LOC400499: variants seen among roughly 807,000 people sequenced by gnomAD.
the LOC400499 span, among the ~76,000 whole-genome samples, chr16:11,484,466 A>T: frequency 1.3e-5 from 2 of 152,094 alleles, no homozygotes; most frequent in African/African-American, 4.8e-5. Flanking sequence ...TGTCAATTAG[A>T]CCTCAATAAA....
chr16:11,376,418 C>T, the LOC400499 span, among the ~76,000 whole-genome samples: 1 of 151,270 alleles, frequency 6.6e-6, no homozygotes, highest in Non-Finnish European at 1.5e-5. Flanking sequence ...ATGTGGATAT[C>T]TAGTTTTCCC....
chr16:11,443,992 G>C, the LOC400499 span, among the ~76,000 whole-genome samples: 3 of 152,076 alleles, frequency 2.0e-5, no homozygotes, highest in African/African-American at 2.4e-5. Context: ...CTGCCACTAT[G>C]CCCAGCCAAT....
chr16:11,491,380 C>T, the LOC400499 span, among the ~76,000 whole-genome samples: 5 of 152,100 alleles, frequency 3.3e-5, no homozygotes, highest in South Asian at 2.1e-4. Flanking sequence ...GATACTGTGT[C>T]GTGATCTGGC....
At chr16:11,525,942 G>T in the LOC400499 span, among the ~76,000 whole-genome samples, 1 of 152,194 alleles carries the variant, frequency 6.6e-6, no homozygotes, top group African/African-American at 2.4e-5. Context: ...CTTCCAGGAA[G>T]AGATCTGAAA....
the LOC400499 span, among the ~76,000 whole-genome samples, chr16:11,507,966 C>T: frequency 6.6e-6 from 1 of 152,028 alleles, no homozygotes; most frequent in African/African-American, 2.4e-5. Flanking sequence ...AATGGAAGCC[C>T]CCAAAAAGAT....
chr16:11,479,672 A>ATCT, the LOC400499 span, among the ~76,000 whole-genome samples: 1 of 152,192 alleles, frequency 6.6e-6, no homozygotes, highest in Non-Finnish European at 1.5e-5. Flanking sequence ...AAGACAGTAC[A>ATCT]GAGAGTTCCC....
chr16:11,438,928 C>G, the LOC400499 span, among the ~76,000 whole-genome samples: 17 of 152,198 alleles, frequency 1.1e-4, no homozygotes, highest in Non-Finnish European at 2.1e-4. Flanking sequence ...GACCCCACCT[C>G]TAATTTTTTT....
At chr16:11,486,247 T>C in the LOC400499 span, among the ~76,000 whole-genome samples, 1 of 117,382 alleles carries the variant, frequency 8.5e-6, no homozygotes, top group Non-Finnish European at 1.7e-5. Context: ...GGTAAATGGA[T>C]TGAGTGAATA....
the LOC400499 span, chr16:11,401,411 G>A: frequency 2.5e-6 from 1 of 399,504 alleles, no homozygotes; most frequent in African/African-American, 2.1e-5. Context: ...CAGCACCTAG[G>A]GAGGGAGACA....
the LOC400499 span, among the ~76,000 whole-genome samples, chr16:11,456,104 G>A: frequency 6.6e-6 from 1 of 151,484 alleles, no homozygotes; most frequent in South Asian, 2.1e-4. Flanking sequence ...GAGTGCAGTG[G>A]TGTGATCTCT....
At chr16:11,470,744 G>C in the LOC400499 span, 1 of 152,538 alleles carries the variant, frequency 6.6e-6, no homozygotes, top group East Asian at 1.9e-4. Context: ...AGCCGCCGGT[G>C]AGTGTGCTGG....
the LOC400499 span, among the ~76,000 whole-genome samples, chr16:11,482,709 A>T: frequency 6.6e-6 from 1 of 151,670 alleles, no homozygotes; most frequent in Non-Finnish European, 1.5e-5. Context: ...TGGGCAACAC[A>T]GTGAGACCCC....
chr16:11,398,499 G>A, the LOC400499 span: 2 of 1,232,212 alleles, frequency 1.6e-6, no homozygotes, highest in Non-Finnish European at 2.0e-6. Context: ...TGGCTGAGAT[G>A]GCCAATGCCT....
At chr16:11,377,230 C>A in the LOC400499 span, among the ~76,000 whole-genome samples, 2 of 152,204 alleles carry the variant, frequency 1.3e-5, no homozygotes, top group Non-Finnish European at 2.9e-5. Context: ...ATTATTAGTT[C>A]TAACAGTTGT....
the LOC400499 span, among the ~76,000 whole-genome samples, chr16:11,383,408 A>G: frequency 6.6e-6 from 1 of 152,164 alleles, no homozygotes; most frequent in Non-Finnish European, 1.5e-5. Flanking sequence ...ATGTGAACTA[A>G]TAGAGCAAGA....
the LOC400499 span, among the ~76,000 whole-genome samples, chr16:11,476,518 C>T: frequency 3.3e-5 from 5 of 152,084 alleles, no homozygotes; most frequent in Non-Finnish European, 7.4e-5. Context: ...CACGGACACA[C>T]CCTCATGCAC....
At chr16:11,496,552 C>T in the LOC400499 span, among the ~76,000 whole-genome samples, 21 of 152,118 alleles carry the variant, frequency 1.4e-4, no homozygotes, top group African/African-American at 4.8e-4. Flanking sequence ...GGTGTCTCAG[C>T]GCACTCGAGT....
chr16:11,441,377 C>T, the LOC400499 span, among the ~76,000 whole-genome samples: 1 of 152,170 alleles, frequency 6.6e-6, no homozygotes, highest in African/African-American at 2.4e-5. Context: ...ATTCCTAATA[C>T]TTAGCACAGG....
chr16:11,383,851 G>A, the LOC400499 span: 1 of 1,232,158 alleles, frequency 8.1e-7, no homozygotes, highest in East Asian at 3.2e-5. Context: ...GAGACAAAGG[G>A]CCTTCTGCAC....
Sources: gnomAD v4.1 joint callset for allele counts (sites outside exome capture counted in the v4.1 genomes callset) on GRCh38, gnomAD v4.1.1 for gene constraint, MANE v1.5 for transcripts.